Variants in DOCK4 observed in about 807,000 individuals in gnomAD.
The protein encoded by DOCK4 is dedicator of cytokinesis protein 4.
In DOCK4, 97 loss-of-function variants were observed where a neutral mutation model predicts 268.1. The observed-to-expected ratio is 0.36, with a 90% CI of 0.31 to 0.43. DOCK4 has a LOEUF of 0.43. Ranked by LOEUF, DOCK4 falls within the 20% of genes least tolerant of loss-of-function variation. The pLI is 1.00. For missense variants in DOCK4, 2,145 were observed against 2,455.7 expected, an observed-to-expected ratio of 0.87 and a Z score of 2.67; for synonymous variants, 954 against 887.2, an observed-to-expected ratio of 1.08 and a Z score of -1.34.
intron 15 of DOCK4, among the ~76,000 whole-genome samples, chr7:111,896,075 TTAATAAATATA>T (rs148658133): frequency 6.6e-6 from 1 of 152,328 alleles, no homozygotes; most frequent in East Asian, 1.9e-4. Flanking sequence ...TAGTAGGTGC[TTAATAAATATA>T]TGATAAATGA....
intron 1 of DOCK4, among the ~76,000 whole-genome samples, chr7:112,160,502 A>C (rs1817015300): frequency 6.6e-6 from 1 of 152,176 alleles, no homozygotes; most frequent in Admixed American, 6.5e-5. Flanking sequence ...GCTCTGAGGG[A>C]GGAGCAACTA....
chr7:111,951,560 C>A (rs1260784103), intron 8 of DOCK4, among the ~76,000 whole-genome samples: 1 of 150,874 alleles, frequency 6.6e-6, no homozygotes, highest in Non-Finnish European at 1.5e-5. Flanking sequence ...GTAATCTCAG[C>A]ACTTTGGGAG....
intron 49 of DOCK4, among the ~76,000 whole-genome samples, chr7:111,737,212 A>C (rs1054855279): frequency 2.0e-5 from 3 of 152,226 alleles, no homozygotes; most frequent in African/African-American, 7.2e-5. Context: ...TTTGTATTAT[A>C]TTTTAAATAT....
At chr7:112,155,718 T>C (rs950452154) in intron 1 of DOCK4, among the ~76,000 whole-genome samples, 1 of 152,070 alleles carries the variant, frequency 6.6e-6, no homozygotes, top group Non-Finnish European at 1.5e-5. Flanking sequence ...AGGGAAGTAT[T>C]TGAGTTTGTC....
chr7:111,927,524 A>G (rs1793819272), intron 12 of DOCK4, among the ~76,000 whole-genome samples: 1 of 152,158 alleles, frequency 6.6e-6, no homozygotes, highest in Admixed American at 6.5e-5. Context: ...GGATTTCAAC[A>G]TTTCCTTTTT....
intron 1 of DOCK4, among the ~76,000 whole-genome samples, chr7:112,068,590 T>C (rs1378037319): frequency 1.3e-5 from 2 of 152,202 alleles, no homozygotes; most frequent in African/African-American, 2.4e-5. Flanking sequence ...CAAATGCATA[T>C]AAATTATTAT....
At chr7:111,782,796 C>T in intron 35 of DOCK4, 68 bp downstream of exon 35, 2 of 1,468,072 alleles carry the variant, frequency 1.4e-6, no homozygotes, top group Middle Eastern at 1.7e-4. Flanking sequence ...ACAAACAAAA[C>T]ATAGTATTTC....
chr7:111,933,298 ATTT>A (rs376735342), intron 12 of DOCK4, among the ~76,000 whole-genome samples: 12 of 74,840 alleles, frequency 1.6e-4, no homozygotes, highest in Admixed American at 8.7e-4. Context: ...ATATATATAT[ATTT>A]TTTTTTTTTT....
chr7:111,991,992 C>T (rs1364034685), intron 5 of DOCK4, among the ~76,000 whole-genome samples: 2 of 139,020 alleles, frequency 1.4e-5, no homozygotes, highest in African/African-American at 2.6e-5. Context: ...AAAAAAAGTG[C>T]CTGGCAGAGC....
chr7:111,945,886 A>G, intron 8 of DOCK4, 88 bp from the exon 9 acceptor site: 1 of 970,588 alleles, frequency 1.0e-6, no homozygotes, highest in Admixed American at 2.3e-5. Context: ...CACAACAGGT[A>G]AGCTAAATAT....
intron 1 of DOCK4, among the ~76,000 whole-genome samples, chr7:112,129,478 A>C (rs1813596243): frequency 6.6e-6 from 1 of 152,102 alleles, no homozygotes; most frequent in Non-Finnish European, 1.5e-5. Context: ...ACCATACGTG[A>C]GACTAAATTG....
chr7:112,160,195 G>A (rs1015133043), intron 1 of DOCK4, among the ~76,000 whole-genome samples: 5 of 152,076 alleles, frequency 3.3e-5, no homozygotes, highest in Non-Finnish European at 5.9e-5. Context: ...AAGTATATCC[G>A]ACTCTGTGAC....
At chr7:111,860,800 G>A (rs935050895) in intron 23 of DOCK4, among the ~76,000 whole-genome samples, 1 of 152,142 alleles carries the variant, frequency 6.6e-6, no homozygotes, top group Non-Finnish European at 1.5e-5. Flanking sequence ...ATCACAGCAG[G>A]TTCTTCTCTG....
At position 112,064,176 on chromosome 7, in the gene DOCK4, A is replaced by G. The variant is rs112571466; in HGVS notation, c.38-60045T>C. ...AGCTTTGTGGATCACAGCAGAAGCA[A>G]TGTGGTTCTAGGGTTGGCGGCAGCA... is the stretch of plus-strand genomic sequence containing the variant. On this transcript the variant is annotated intron_variant, in intron 1 of 52. Transcript: ENST00000428084. Among the ~76,000 whole-genome samples, 1,217 of 152,284 alleles carry G rather than the reference A, an allele frequency of 8.0e-3. 5 individuals are homozygous for G. The highest frequency in any genetic ancestry group is 0.011 in the Non-Finnish European group (756 of 68,030).
At chr7:111,952,026 G>C (rs950925089) in intron 8 of DOCK4, among the ~76,000 whole-genome samples, 4 of 151,824 alleles carry the variant, frequency 2.6e-5, no homozygotes, top group African/African-American at 9.7e-5. Flanking sequence ...AGGAGGTTGA[G>C]GCAGGAGGAT....
At position 111,863,494 on chromosome 7, in the gene DOCK4, G is replaced by A; in HGVS notation, c.2351C>T (p.Ala784Val). 5.0e-6 allele frequency: 8 copies of A among 1,613,890 alleles called. No individual in the cohort carries two copies. The highest frequency in any genetic ancestry group is 6.8e-6 in the Non-Finnish European group (8 of 1,179,864). ...GCCCAGGGTGTCCTGGACCAAGTTG[G>A]CTACTTCCCGGACATCAAAGAGCTT... ...LLKLFDVREV[A>V]NLVQDTLGSL... Residue 784 changes from alanine to valine, a missense_variant, in exon 23 of 53, where the codon GCC (alanine) becomes GTC (valine). Physicochemically the swap from Ala to Val is moderately conservative, Grantham distance 64. Coordinates refer to ENST00000428084, the MANE Select transcript of DOCK4 (RefSeq NM_001363540.2).
intron 23 of DOCK4, among the ~76,000 whole-genome samples, chr7:111,859,236 T>C (rs891832085): frequency 4.6e-5 from 7 of 152,158 alleles, no homozygotes; most frequent in African/African-American, 1.4e-4. Flanking sequence ...TTTCAGCCCA[T>C]TGAGAACAAT....
rs562463303 is a variant in DOCK4, at chr7:111,783,459, A to G, written c.3524+398T>C. On this transcript the variant is annotated intron_variant, in intron 34 of 52. Coordinates refer to ENST00000428084, the MANE Select transcript of DOCK4 (RefSeq NM_001363540.2). ...CTCACCCACGTCCCCTTTTTAAGAG[A>G]ATATTTAAGAGAATAGCATGATTGT... 3.1e-3 allele frequency among the ~76,000 whole-genome samples: 473 copies of G among 152,296 alleles called. 1 individual carries two copies. The highest frequency in any genetic ancestry group is 5.6e-3 in the Non-Finnish European group (378 of 68,022).
At chr7:112,136,007 T>C (rs1480095677) in intron 1 of DOCK4, among the ~76,000 whole-genome samples, 1 of 152,182 alleles carries the variant, frequency 6.6e-6, no homozygotes, top group African/African-American at 2.4e-5. Context: ...CAAGAGCTAA[T>C]CAGATTTTTC....
Sources: gnomAD v4.1 joint callset for allele counts (sites outside exome capture counted in the v4.1 genomes callset) on GRCh38, gnomAD v4.1.1 for gene constraint, MANE v1.5 for transcripts, NCBI Gene and HGNC (gene_info 2026-07-23, HGNC 2026-07-21) for gene names.